The following ADCY2 variants were observed in gnomAD, a reference collection of about 807,000 sequenced individuals.
ADCY2 encodes the protein adenylate cyclase type 2.
A neutral mutation model predicts 125.2 loss-of-function variants in ADCY2; 31 were observed. The ratio of observed to expected loss-of-function variants is 0.25; its 90% confidence interval spans 0.19 to 0.33. The LOEUF (loss-of-function observed/expected upper bound fraction) is 0.33. ADCY2 is among the 10% of genes least tolerant of loss of function. The pLI is 1.00. For missense variants in ADCY2, 904 were observed against 1,418.2 expected, an observed-to-expected ratio of 0.64 and a Z score of 5.82; for synonymous variants, 512 against 548.4, an observed-to-expected ratio of 0.93 and a Z score of 0.93.
intron 4 of ADCY2, among the ~76,000 whole-genome samples, chr5:7,662,604 A>G (rs143398170): frequency 1.1e-3 from 160 of 152,328 alleles, no homozygotes; most frequent in African/African-American, 3.7e-3. Context: ...GTAGCATTTC[A>G]CACAGCTTAG....
At chr5:7,459,450 A>G (rs1741830458) in intron 2 of ADCY2, among the ~76,000 whole-genome samples, 1 of 152,172 alleles carries the variant, frequency 6.6e-6, no homozygotes, top group African/African-American at 2.4e-5. Flanking sequence ...GATGGTTAAC[A>G]TCAAACCCAC....
chr5:7,404,490 G>A lies in ADCY2; in HGVS notation c.210+7984G>A, dbSNP rs143647947. Among the ~76,000 whole-genome samples, 43 of 152,282 alleles carry A rather than the reference G, an allele frequency of 2.8e-4. 1 individual carries two copies. In the East Asian group the frequency reaches 7.9e-3, roughly 28 times the overall value. On this transcript the variant is annotated intron_variant, in intron 1 of 24. Transcript: ENST00000338316. Reference sequence around the variant, plus strand: ...ATTCAGTAGAGGGACTCTGCTGACAGTCCTGTCACTCAGGGTTTCAGGATG... The same window carrying A: ...ATTCAGTAGAGGGACTCTGCTGACAATCCTGTCACTCAGGGTTTCAGGATG...
chr5:7,570,386 T>G (rs548944602), intron 3 of ADCY2, among the ~76,000 whole-genome samples: 29 of 152,252 alleles, frequency 1.9e-4, no homozygotes, highest in Middle Eastern at 6.8e-3. Context: ...AAACCTTTTT[T>G]TCTTCAACAT....
chr5:7,464,242 C>T (rs140356732), intron 2 of ADCY2, among the ~76,000 whole-genome samples: 174 of 152,248 alleles, frequency 1.1e-3, no homozygotes, highest in South Asian at 5.6e-3. Flanking sequence ...CTCTCTCTCT[C>T]GGAGCTCTGC....
intron 7 of ADCY2, among the ~76,000 whole-genome samples, chr5:7,699,273 A>C (rs1741001956): frequency 6.8e-6 from 1 of 147,842 alleles, no homozygotes; most frequent in African/African-American, 2.5e-5. Flanking sequence ...AATTTTTTGT[A>C]TTTTTAGTAG....
At chr5:7,626,034 C>A in intron 3 of ADCY2, 133 bp from the exon 4 acceptor site, 1 of 1,030,340 alleles carries the variant, frequency 9.7e-7, no homozygotes, top group Non-Finnish European at 1.4e-6. Flanking sequence ...AAAAATGTTA[C>A]TTTGGAAACA....
chr5:7,514,469 G>A (rs1025993127), intron 2 of ADCY2, among the ~76,000 whole-genome samples: 13 of 152,150 alleles, frequency 8.5e-5, no homozygotes, highest in East Asian at 7.7e-4. Flanking sequence ...ATGGAACATG[G>A]GATGTGAAGT....
intron 2 of ADCY2, among the ~76,000 whole-genome samples, chr5:7,420,146 G>A (rs961045241): frequency 1.3e-5 from 2 of 152,128 alleles, no homozygotes; most frequent in Non-Finnish European, 2.9e-5. Flanking sequence ...GTCATCTCGC[G>A]GGCAGAAGCT....
intron 2 of ADCY2, among the ~76,000 whole-genome samples, chr5:7,474,983 G>T (rs1310971048): frequency 6.6e-6 from 1 of 152,208 alleles, no homozygotes; most frequent in African/African-American, 2.4e-5. Context: ...TGGGCCACAA[G>T]CGTCCAGAGC....
At chr5:7,581,882 A>G (rs1736450320) in intron 3 of ADCY2, among the ~76,000 whole-genome samples, 1 of 152,146 alleles carries the variant, frequency 6.6e-6, no homozygotes. Flanking sequence ...TAAAACATGT[A>G]GGATGAACAT....
chr5:7,576,176 G>C (rs1272166080), intron 3 of ADCY2, among the ~76,000 whole-genome samples: 1 of 152,202 alleles, frequency 6.6e-6, no homozygotes, highest in Non-Finnish European at 1.5e-5. Context: ...CTGGCTCACT[G>C]TGCTGCACAC....
chr5:7,702,872 C>A (rs891090047), intron 7 of ADCY2, among the ~76,000 whole-genome samples: 1 of 152,196 alleles, frequency 6.6e-6, no homozygotes, highest in East Asian at 1.9e-4. Context: ...TATTTCTCCA[C>A]GTCCTCTCCA....
At chr5:7,487,877 A>G (rs988591385) in intron 2 of ADCY2, among the ~76,000 whole-genome samples, 2 of 152,206 alleles carry the variant, frequency 1.3e-5, no homozygotes, top group Non-Finnish European at 2.9e-5. Flanking sequence ...TTATGTGACA[A>G]GTTCAGACTG....
At chr5:7,666,060 G>A (rs563261450) in intron 4 of ADCY2, among the ~76,000 whole-genome samples, 146 of 151,232 alleles carry the variant, frequency 9.7e-4, no homozygotes, top group African/African-American at 3.0e-3. Context: ...GGATGGTCTC[G>A]ATCTCCTGAC....
rs375621436 is a variant in ADCY2 at position 7,558,317 on chromosome 5, T to C, written c.570+37418T>C. Among the ~76,000 whole-genome samples, 6 of 152,284 alleles carry C rather than the reference T, an allele frequency of 3.9e-5. 1 individual carries two copies. In the South Asian group the frequency reaches 6.2e-4, roughly 16 times the overall value. Reference sequence around the variant, plus strand: ...GTCCACCTGCCTCATTCTCCCAAAGTGCTGGGATTACAGGCACTTTGTGCC... The same window carrying C: ...GTCCACCTGCCTCATTCTCCCAAAGCGCTGGGATTACAGGCACTTTGTGCC... On this transcript the variant is annotated intron_variant, in intron 3 of 24. Transcript: ENST00000338316.
intron 2 of ADCY2, among the ~76,000 whole-genome samples, chr5:7,468,427 G>A (rs1325109901): frequency 6.6e-6 from 1 of 152,032 alleles, no homozygotes; most frequent in Non-Finnish European, 1.5e-5. Context: ...TAAATAATTT[G>A]GGCACATTTC....
intron 14 of ADCY2, among the ~76,000 whole-genome samples, chr5:7,739,083 A>G (rs796661892): frequency 5.3e-5 from 8 of 152,044 alleles, no homozygotes; most frequent in African/African-American, 1.9e-4. Context: ...ATAAAACACT[A>G]AACTGAATTG....
intron 14 of ADCY2, among the ~76,000 whole-genome samples, chr5:7,729,987 A>G (rs1397285582): frequency 6.6e-6 from 1 of 152,128 alleles, no homozygotes; most frequent in East Asian, 1.9e-4. Flanking sequence ...GCACCCAAGT[A>G]GTACACATTG....
chr5:7,570,676 G>T (rs1405984625), intron 3 of ADCY2, among the ~76,000 whole-genome samples: 1 of 149,724 alleles, frequency 6.7e-6, no homozygotes, highest in Non-Finnish European at 1.5e-5. Context: ...ACAAAGAGAT[G>T]TCTAAATATA....
Sources: gnomAD v4.1 joint callset for allele counts (sites outside exome capture counted in the v4.1 genomes callset) on GRCh38, gnomAD v4.1.1 for gene constraint, MANE v1.5 for transcripts, NCBI Gene and HGNC (gene_info 2026-07-23, HGNC 2026-07-21) for gene names.